The following GRIP1 variants were observed in gnomAD, a reference collection of about 807,000 sequenced individuals.
GRIP1 encodes the protein glutamate receptor-interacting protein 1.
Under a neutral mutation model 129.9 loss-of-function variants are expected in GRIP1, and 45 were observed. That is an observed-to-expected ratio of 0.35 (90% confidence interval 0.27 to 0.44). The LOEUF is 0.44. Ranked by LOEUF, GRIP1 falls within the 20% of genes least tolerant of loss-of-function variation. The pLI is 1.00. For missense variants in GRIP1, 1,196 were observed against 1,396.8 expected, an observed-to-expected ratio of 0.86 and a Z score of 2.29; for synonymous variants, 530 against 520.8, an observed-to-expected ratio of 1.02 and a Z score of -0.24.
At chr12:67,001,616 A>C (rs540189996) in intron 1 of GRIP1, among the ~76,000 whole-genome samples, 2 of 152,302 alleles carry the variant, frequency 1.3e-5, no homozygotes, top group South Asian at 4.1e-4. Context: ...TTGAGTAGGA[A>C]GACCCAGCAA....
intron 1 of GRIP1, among the ~76,000 whole-genome samples, chr12:67,020,303 A>G (rs1408343873): frequency 6.6e-6 from 1 of 152,212 alleles, no homozygotes; most frequent in African/African-American, 2.4e-5. Context: ...TTAAGCCTGC[A>G]TATAACAAAC....
intron 1 of GRIP1, among the ~76,000 whole-genome samples, chr12:67,008,394 C>G (rs1415980410): frequency 6.6e-6 from 1 of 152,096 alleles, no homozygotes; most frequent in African/African-American, 2.4e-5. Flanking sequence ...TAAAGACTTC[C>G]AACAATAAGG....
At chr12:66,663,988 A>G (rs1353907710) in intron 1 of GRIP1, among the ~76,000 whole-genome samples, 1 of 152,176 alleles carries the variant, frequency 6.6e-6, no homozygotes, top group African/African-American at 2.4e-5. Context: ...AGGTCCTATC[A>G]CCAAATAAAT....
chr12:66,612,336 T>C (rs915477948), intron 1 of GRIP1, among the ~76,000 whole-genome samples: 4 of 152,158 alleles, frequency 2.6e-5, no homozygotes, highest in Non-Finnish European at 5.9e-5. Flanking sequence ...CAGAATACTG[T>C]AGGCAACTGT....
chr12:67,019,013 T>C (rs1272852772), intron 1 of GRIP1, among the ~76,000 whole-genome samples: 1 of 152,082 alleles, frequency 6.6e-6, no homozygotes, highest in East Asian at 1.9e-4. Context: ...TTGACTTAAA[T>C]TCACATTATT....
At chr12:66,516,273 C>T (rs753431027) in intron 6 of GRIP1, among the ~76,000 whole-genome samples, 5 of 152,206 alleles carry the variant, frequency 3.3e-5, no homozygotes, top group South Asian at 2.1e-4. Context: ...TCAATTGATT[C>T]GATCTCACAT....
intron 1 of GRIP1, among the ~76,000 whole-genome samples, chr12:66,742,228 T>C (rs1177787104): frequency 6.6e-6 from 1 of 152,184 alleles, no homozygotes; most frequent in Non-Finnish European, 1.5e-5. Context: ...GCTGTTATAT[T>C]TGCATTTTTA....
rs1456592820 is a variant in GRIP1, at chr12:66,379,376, T to C, written c.2525A>G (p.Gln842Arg). 5.6e-6 allele frequency: 9 copies of C among 1,614,132 alleles called. No homozygotes were observed. The highest frequency in any genetic ancestry group is 6.8e-6 in the Non-Finnish European group (8 of 1,179,948). The change falls in exon 20 of 25, where the codon CAG becomes CGG. Residue 842 changes from glutamine (Q) to arginine (R), a missense_variant. Gln to Arg is a conservative substitution (Grantham distance 43). Transcript: ENST00000359742. ...AGTGACTGGGGACAAGCTGCCTCTCTGTTTTGGACTCCTCCAGTCATAGGT... is the reference window on the plus strand; with the variant it reads ...AGTGACTGGGGACAAGCTGCCTCTCCGTTTTGGACTCCTCCAGTCATAGGT... Reference protein sequence around the residue: ...FNTYDWRSPKQRGSLSPVTKP... With the variant: ...FNTYDWRSPKRRGSLSPVTKP...
At chr12:66,667,210 A>G (rs1171326029) in intron 1 of GRIP1, among the ~76,000 whole-genome samples, 1 of 152,146 alleles carries the variant, frequency 6.6e-6, no homozygotes, top group Non-Finnish European at 1.5e-5. Flanking sequence ...ACATTTTTCA[A>G]GTATTTGCCT....
intron 19 of GRIP1, among the ~76,000 whole-genome samples, chr12:66,380,610 T>C (rs940328682): frequency 3.3e-5 from 5 of 152,358 alleles, no homozygotes; most frequent in Non-Finnish European, 7.3e-5. Context: ...TTGATAGAAA[T>C]GTTTTTAAAG....
Position 66,645,410 on chromosome 12 carries a change from T to C in GRIP1, c.55+33440A>G, listed in dbSNP as rs535100612. ...ACATGCAACAATTTACAGAATGTTC[T>C]CTCATTCATTGAGCTCCCATAATAA... is the stretch of plus-strand genomic sequence containing the variant. On this transcript the variant is annotated intron_variant, in intron 1 of 24. Transcript: ENST00000359742. Among the ~76,000 whole-genome samples the C allele has an allele frequency of 3.9e-5, 6 of 152,342 alleles. No homozygotes were observed. In the South Asian group the frequency reaches 1.2e-3, roughly 32 times the overall value.
chr12:66,364,584 A>T (rs913706782), intron 23 of GRIP1, among the ~76,000 whole-genome samples: 1 of 152,170 alleles, frequency 6.6e-6, no homozygotes, highest in Non-Finnish European at 1.5e-5. Context: ...AAAGGACAGA[A>T]CTCAAAGTCA....
chr12:66,575,684 A>G (rs1264802446), intron 2 of GRIP1, among the ~76,000 whole-genome samples: 1 of 152,174 alleles, frequency 6.6e-6, no homozygotes, highest in African/African-American at 2.4e-5. Flanking sequence ...CAGGACAACT[A>G]GAAAATTTTT....
rs543964253 is a variant in GRIP1 at position 66,435,501 on chromosome 12, C to T, written c.1688-2873G>A. On this transcript the variant is annotated intron_variant, in intron 13 of 24. Transcript: ENST00000359742. ...TTACAGGCGGAGCCACTGCACCTGT[C>T]CTACCCATTTAATATTTTCTGTTTT... Among the ~76,000 whole-genome samples, 11 of 152,286 alleles carry T rather than the reference C, an allele frequency of 7.2e-5. No homozygotes were observed. In the South Asian group the frequency reaches 2.3e-3, roughly 32 times the overall value.
At chr12:66,787,306 A>C (rs1401646077) in intron 1 of GRIP1, among the ~76,000 whole-genome samples, 1 of 152,212 alleles carries the variant, frequency 6.6e-6, no homozygotes, top group Non-Finnish European at 1.5e-5. Context: ...CTCATATTGC[A>C]AAACTGTGGC....
intron 1 of GRIP1, among the ~76,000 whole-genome samples, chr12:67,059,943 C>T (rs1199706522): frequency 2.6e-5 from 4 of 152,092 alleles, no homozygotes; most frequent in Non-Finnish European, 5.9e-5. Context: ...CTGTGACTAG[C>T]GAGTTTATCT....
In GRIP1 at chr12:67,029,660, C is replaced by T. The variant is rs545823048; in HGVS notation, c.58+39390G>A. ...TACATTTTTATTATTAAACCAAAAT[C>T]TTGGCAACGATATAACATTGCTTTG... is the stretch of plus-strand genomic sequence containing the variant. On this transcript the variant is annotated intron_variant, in intron 1 of 1. Transcript: ENST00000643019. Among the ~76,000 whole-genome samples, 305 of 149,212 alleles carry T rather than the reference C, an allele frequency of 2.0e-3. 1 individual carries two copies. Among genetic ancestry groups the T allele is most frequent in the Non-Finnish European group, 3.5e-3 (235 of 67,532 alleles).
intron 7 of GRIP1, among the ~76,000 whole-genome samples, chr12:66,502,560 G>C (rs1224456572): frequency 6.6e-6 from 1 of 152,126 alleles, no homozygotes. Flanking sequence ...TTTGGGTCAT[G>C]GGGGCAGATT....
intron 1 of GRIP1, among the ~76,000 whole-genome samples, chr12:67,012,008 G>T (rs778418788): frequency 3.3e-4 from 50 of 152,174 alleles, no homozygotes; most frequent in African/African-American, 1.2e-3. Flanking sequence ...ACTCTAAGCT[G>T]CAGGAAGGCA....
Sources: gnomAD v4.1 joint callset for allele counts (sites outside exome capture counted in the v4.1 genomes callset) on GRCh38, gnomAD v4.1.1 for gene constraint, MANE v1.5 for transcripts, NCBI Gene and HGNC (gene_info 2026-07-23, HGNC 2026-07-21) for gene names.